The following CMYA5 variants were observed in gnomAD, a reference collection of about 807,000 sequenced individuals.
CMYA5 encodes the protein cardiomyopathy-associated protein 5.
CMYA5 carries 246 observed loss-of-function variants against 318.9 expected under a neutral mutation model. That is an observed-to-expected ratio of 0.77 (90% CI 0.70 to 0.86). The LOEUF (loss-of-function observed/expected upper bound fraction) is 0.86. Ranked by LOEUF, CMYA5 falls within the 40% of genes least tolerant of loss-of-function variation. CMYA5 has a pLI of 0.00. For synonymous variants in CMYA5, 1,641 were observed against 1,729.5 expected, an observed-to-expected ratio of 0.95 and a Z score of 1.27; for missense variants, 4,589 against 4,678.2, an observed-to-expected ratio of 0.98 and a Z score of 0.56.
rs1827988931 is a variant in CMYA5 at position 79,734,064 on chromosome 5, C to A, written c.5299C>A (p.Gln1767Lys). The stretch of plus-strand genomic sequence containing the variant: ...AGCCGACTTTAAAAAGGGAGGAAAT[C>A]AAGAAATAGGCCCATTACCACCAAC... ...HPADFKKGGN[Q>K]EIGPLPPTGN... Residue 1767 changes from glutamine (Q) to lysine (K), a missense_variant, in exon 2 of 13, where the codon CAA becomes AAA. This residue lies in a region of CMYA5 where 2,132 missense variants were observed against 2,131.3 expected (regional missense o/e 1.00). Coordinates refer to ENST00000446378, the MANE Select transcript of CMYA5 (RefSeq NM_153610.5). The A allele has an allele frequency of 1.2e-6, 2 of 1,613,608 alleles. No individual in the cohort carries two copies. The highest frequency in any genetic ancestry group is 2.7e-5 in the African/African-American group (2 of 74,864).
chr5:79,737,895 C>G lies in CMYA5; in HGVS notation c.9130C>G (p.Pro3044Ala). ...DSETDLSFIQ[P>A]TIPSEEDYFE... ...AGAAACTGATTTATCATTTATTCAG[C>G]CCACAATTCCCAGTGAAGAGGATTA... The change falls in exon 2 of 13, where the codon CCC becomes GCC. Residue 3044 changes from proline (P) to alanine (A), a missense_variant. Physicochemically the swap from Pro to Ala is conservative, Grantham distance 27 (BLOSUM62 -1). Coordinates refer to ENST00000446378, the MANE Select transcript of CMYA5 (RefSeq NM_153610.5). 6.2e-7 allele frequency: 1 copy of G among 1,604,226 alleles called. No homozygotes were observed. Among genetic ancestry groups the G allele is most frequent in the Non-Finnish European group, 8.5e-7 (1 of 1,177,466 alleles).
chr5:79,770,398 C>T (rs909558392), intron 9 of CMYA5, among the ~76,000 whole-genome samples: 1 of 84,254 alleles, frequency 1.2e-5, no homozygotes, highest in Non-Finnish European at 2.3e-5. Flanking sequence ...AAATGGCTGC[C>T]CGGTTTTGTG....
chr5:79,693,586 T>A (rs1561624316), intron 1 of CMYA5, among the ~76,000 whole-genome samples: 2 of 152,142 alleles, frequency 1.3e-5, no homozygotes, highest in Admixed American at 1.3e-4. Flanking sequence ...AAGCAATCCA[T>A]CTGCCTCCAG....
intron 9 of CMYA5, among the ~76,000 whole-genome samples, chr5:79,773,319 GA>G (rs543759514): frequency 6.6e-6 from 1 of 152,064 alleles, no homozygotes; most frequent in Non-Finnish European, 1.5e-5. Flanking sequence ...TTAAAATGAG[GA>G]AAAAAATAAA....
intron 9 of CMYA5, among the ~76,000 whole-genome samples, chr5:79,775,369 G>T (rs1455113102): frequency 6.6e-6 from 1 of 152,064 alleles, no homozygotes; most frequent in Admixed American, 6.6e-5. Flanking sequence ...AAGTATTCAG[G>T]TTGTCCACAA....
intron 12 of CMYA5, among the ~76,000 whole-genome samples, chr5:79,798,257 A>G (rs568403542): frequency 6.6e-6 from 1 of 152,178 alleles, no homozygotes; most frequent in Non-Finnish European, 1.5e-5. Context: ...CCTCCCTGCC[A>G]GACCCGTCGC....
In CMYA5 at chr5:79,736,541, A is replaced by T; in HGVS notation, c.7776A>T (p.Thr2592=). ...ETQSFSLVKA[T]SVTEKSEAML... is the part of the protein sequence containing the mutation. ...AATCATTTTCATTAGTTAAAGCTACATCAGTTACTGAAAAATCAGAAGCCA... is the reference window on the plus strand; with the variant it reads ...AATCATTTTCATTAGTTAAAGCTACTTCAGTTACTGAAAAATCAGAAGCCA... The change falls in exon 2 of 13, where the codon ACA becomes ACT. Residue 2592 remains threonine, a synonymous_variant. Coordinates refer to ENST00000446378, the MANE Select transcript of CMYA5 (RefSeq NM_153610.5). 1 of 1,613,672 alleles carries T rather than the reference A, an allele frequency of 6.2e-7. No homozygotes were observed. The highest frequency in any genetic ancestry group is 8.5e-7 in the Non-Finnish European group (1 of 1,179,756).
rs1425260060 is a variant in CMYA5, at chr5:79,738,232, C to T, written c.9467C>T (p.Pro3156Leu). 6.2e-7 allele frequency: 1 copy of T among 1,613,728 alleles called. No individual in the cohort carries two copies. Among genetic ancestry groups the T allele is most frequent in the South Asian group, 1.1e-5 (1 of 91,054 alleles). ...RDVDSKSPGM[P>L]LFEAEEGVLS... Reference sequence around the variant, plus strand: ...GTGGACTCAAAGTCACCGGGGATGCCTTTATTTGAAGCAGAGGAAGGAGTT... The same window carrying T: ...GTGGACTCAAAGTCACCGGGGATGCTTTTATTTGAAGCAGAGGAAGGAGTT... Residue 3156 changes from proline to leucine, a missense_variant, in exon 2 of 13, where the codon CCT (proline) becomes CTT (leucine). Pro to Leu is a moderately conservative substitution (Grantham distance 98). Coordinates refer to ENST00000446378, the MANE Select transcript of CMYA5 (RefSeq NM_153610.5).
intron 10 of CMYA5, among the ~76,000 whole-genome samples, chr5:79,789,728 C>A (rs259094): frequency 0.046 from 7,069 of 152,106 alleles, 329 homozygotes; most frequent in East Asian, 0.26. Flanking sequence ...CCTGGCCTCT[C>A]CAGATGATTT....
In CMYA5 at chr5:79,718,038, G is replaced by A. The variant is rs1190267398; in HGVS notation, c.150-10877G>A. Among the ~76,000 whole-genome samples, 4 of 107,158 alleles carry A rather than the reference G, an allele frequency of 3.7e-5. 1 individual carries two copies. Among genetic ancestry groups the A allele is most frequent in the Admixed American group, 8.5e-5 (1 of 11,750 alleles). The allele number at this position is 107,158 out of a possible 152,430, so 70.3% of individuals were successfully genotyped here. On this transcript the variant is annotated intron_variant, in intron 1 of 12. Coordinates refer to ENST00000446378, the MANE Select transcript of CMYA5 (RefSeq NM_153610.5). ...CAAGTAGCTAGGACTACAGGCACCC[G>A]CCACTACGCCCGGCTATTTTTTGTA...
At chr5:79,756,192 C>T (rs1009104239) in intron 6 of CMYA5, among the ~76,000 whole-genome samples, 3 of 142,296 alleles carry the variant, frequency 2.1e-5, no homozygotes, top group Admixed American at 1.4e-4. Flanking sequence ...GCAATAAATT[C>T]CAAGACAGTA....
At chr5:79,790,548 C>T (rs969779633) in intron 10 of CMYA5, among the ~76,000 whole-genome samples, 1 of 152,186 alleles carries the variant, frequency 6.6e-6, no homozygotes, top group African/African-American at 2.4e-5. Flanking sequence ...GGATTACAGG[C>T]GTGAGCCACC....
At position 79,752,570 on chromosome 5, in the gene CMYA5, T is replaced by C. The variant is rs528314496; in HGVS notation, c.10992-106T>C. The C allele has an allele frequency of 1.1e-4, 75 of 696,614 alleles. No homozygotes were observed. The South Asian group carries it at 1.3e-3, about 12-fold the overall frequency. 43.2% of individuals were successfully genotyped at this position (696,614 alleles called of 1,614,324 possible). On this transcript the variant is annotated intron_variant, in intron 5 of 12. Coordinates refer to ENST00000446378, the MANE Select transcript of CMYA5 (RefSeq NM_153610.5). Reference sequence around the variant, plus strand: ...GGATAGAGTGAGAGGCCCTGCCTTATGCAAACCACCACTACCAACACCAGC... The same window carrying C: ...GGATAGAGTGAGAGGCCCTGCCTTACGCAAACCACCACTACCAACACCAGC...
In CMYA5 at chr5:79,763,121, A is replaced by G. The variant is rs1160390594; in HGVS notation, c.11467A>G (p.Ile3823Val). The G allele has an allele frequency of 6.8e-6, 11 of 1,613,652 alleles. No individual in the cohort carries two copies. Among genetic ancestry groups the G allele is most frequent in the Non-Finnish European group, 9.3e-6 (11 of 1,179,828 alleles). Residue 3823 changes from isoleucine (I) to valine (V), a missense_variant, in exon 9 of 13, where the codon ATC (isoleucine) becomes GTC (valine). By Grantham distance (29) the Ile-to-Val change is conservative. Around this residue, in one of 3 missense-constraint regions of CMYA5, gnomAD observed 2,431 missense variants for 2,495.1 expected, o/e 0.97. Transcript: ENST00000446378. Reference protein sequence around the residue: ...DCTVCWNTATIRWRPTTPEAT... With the variant: ...DCTVCWNTATVRWRPTTPEAT... ...TACTGTGTGTTGGAACACAGCCACT[A>G]TCCGATGGCGGCCCACCACCCCAGA...
At chr5:79,710,646 G>A (rs919202036) in intron 1 of CMYA5, among the ~76,000 whole-genome samples, 1 of 151,986 alleles carries the variant, frequency 6.6e-6, no homozygotes. Flanking sequence ...CTTTTTTTGT[G>A]TGCTTCTGTT....
In CMYA5 at chr5:79,736,575, G is replaced by A. The variant is rs1283398515; in HGVS notation, c.7810G>A (p.Glu2604Lys). 1 of 1,613,754 alleles carries A rather than the reference G, an allele frequency of 6.2e-7. No homozygotes were observed. The highest frequency in any genetic ancestry group is 8.5e-7 in the Non-Finnish European group (1 of 1,179,776). ...TGAAAAATCAGAAGCCATGCTCGCA[G>A]AGGCTCACCCAGAAATCAGAGAAGC... The part of the protein sequence containing the change: ...VTEKSEAMLA[E>K]AHPEIREAKA... The change falls in exon 2 of 13, where the codon GAG becomes AAG. Residue 2604 changes from glutamate to lysine, a missense_variant. Glu to Lys is a moderately conservative substitution (Grantham distance 56). Coordinates refer to ENST00000446378, the MANE Select transcript of CMYA5 (RefSeq NM_153610.5).
At chr5:79,698,445 C>T (rs920855461) in intron 1 of CMYA5, among the ~76,000 whole-genome samples, 3 of 152,204 alleles carry the variant, frequency 2.0e-5, no homozygotes, top group Admixed American at 6.5e-5. Flanking sequence ...TTCCCACTTT[C>T]TCCCTGACTG....
intron 1 of CMYA5, among the ~76,000 whole-genome samples, chr5:79,722,470 A>G (rs1178612056): frequency 1.3e-5 from 2 of 152,114 alleles, no homozygotes; most frequent in African/African-American, 4.8e-5. Flanking sequence ...TGGGGTCAGG[A>G]GTTCGAGACC....
intron 1 of CMYA5, among the ~76,000 whole-genome samples, chr5:79,699,919 A>G (rs965741792): frequency 1.3e-5 from 2 of 152,188 alleles, no homozygotes; most frequent in African/African-American, 4.8e-5. Flanking sequence ...ATTCTGGTGG[A>G]GTCCCTGGAC....
Sources: allele counts gnomAD v4.1 joint callset (sites outside exome capture counted in the v4.1 genomes callset), GRCh38; gene constraint gnomAD v4.1.1; regional missense constraint gnomAD v4.1.1; transcripts MANE v1.5; gene names NCBI Gene and HGNC (gene_info 2026-07-23, HGNC 2026-07-21).